Variants in CFAP61 observed in about 807,000 individuals in gnomAD.
CFAP61 encodes the protein cilia and flagella associated protein 61.
CFAP61 carries 107 observed loss-of-function variants against 135.6 expected under a neutral mutation model. That is an observed-to-expected ratio of 0.79 (90% CI 0.67 to 0.93). The LOEUF is 0.93. Among genes scored for constraint, CFAP61 ranks in the 40% least tolerant of loss-of-function variants. The pLI is 0.00. For missense variants in CFAP61, 1,507 were observed against 1,556.2 expected, an observed-to-expected ratio of 0.97 and a Z score of 0.53; for synonymous variants, 575 against 578.5, an observed-to-expected ratio of 0.99 and a Z score of 0.09.
At chr20:20,258,359 G>A (rs757068505) in intron 20 of CFAP61, 8 of 152,092 alleles carry the variant, frequency 5.3e-5, no homozygotes, top group South Asian at 2.1e-4. Context: ...TTTACCTGCC[G>A]AACATGGTTG....
chr20:20,088,493 A>T (rs1190433681), intron 6 of CFAP61, among the ~76,000 whole-genome samples: 1 of 152,184 alleles, frequency 6.6e-6, no homozygotes, highest in Non-Finnish European at 1.5e-5. Flanking sequence ...GGCCCCTTAT[A>T]AAACCATCAT....
At chr20:20,116,801 C>T (rs73605584) in intron 8 of CFAP61, among the ~76,000 whole-genome samples, 14,958 of 152,058 alleles carry the variant, frequency 0.098, 1,548 homozygotes, top group East Asian at 0.59. Flanking sequence ...TATTCTCTAT[C>T]TTCATGAGAT....
At position 20,175,489 on chromosome 20, in the gene CFAP61, T is replaced by TTTTTGTTTTGTTTTG. The variant is rs11467125; in HGVS notation, c.1385+6070_1385+6084dup. On this transcript the variant is annotated intron_variant, in intron 13 of 26. Coordinates refer to ENST00000245957, the MANE Select transcript of CFAP61 (RefSeq NM_015585.4). ...GTAGGGGCTTCTGGTTTTTTTTTTG[T>TTTTTGTTTTGTTTTG]TTTTGTTTTGTTTTGTTTTGTTTTG... Among the ~76,000 whole-genome samples, 5 of 145,896 alleles carry TTTTTGTTTTGTTTTG rather than the reference T, an allele frequency of 3.4e-5. No individual in the cohort carries two copies. In the East Asian group the frequency reaches 1.0e-3, roughly 30 times the overall value.
intron 19 of CFAP61, among the ~76,000 whole-genome samples, chr20:20,247,194 A>G (rs760279433): frequency 2.6e-4 from 40 of 152,230 alleles, no homozygotes; most frequent in Non-Finnish European, 4.7e-4. Context: ...CTTCTGGCCA[A>G]GAACACATTC....
chr20:20,174,654 G>T (rs566439550), intron 13 of CFAP61, among the ~76,000 whole-genome samples: 1 of 152,092 alleles, frequency 6.6e-6, no homozygotes, highest in South Asian at 2.1e-4. Flanking sequence ...GCAGCTGATC[G>T]TGGCTGCAGG....
At chr20:20,084,823 G>C (rs533890604) in intron 6 of CFAP61, among the ~76,000 whole-genome samples, 2 of 152,266 alleles carry the variant, frequency 1.3e-5, no homozygotes, top group African/African-American at 4.8e-5. Context: ...TTCCCAAGTA[G>C]GGTGTCCTGA....
intron 13 of CFAP61, among the ~76,000 whole-genome samples, chr20:20,178,679 C>CG (rs10854246): frequency 0.73 from 110,123 of 151,522 alleles, 40,957 homozygotes; most frequent in Middle Eastern, 0.89. Flanking sequence ...AATCGATTCT[C>CG]CCCCCCACCA....
chr20:20,164,960 T>G (rs764007067), intron 11 of CFAP61, among the ~76,000 whole-genome samples: 5 of 152,184 alleles, frequency 3.3e-5, no homozygotes, highest in Non-Finnish European at 7.3e-5. Flanking sequence ...TTCATGAGAC[T>G]TATTCAATAC....
intron 2 of CFAP61, 46 bp downstream of exon 2, chr20:20,056,842 G>T: frequency 6.3e-7 from 1 of 1,580,542 alleles, no homozygotes; most frequent in Non-Finnish European, 8.7e-7. Context: ...TTTTGGTTGG[G>T]TGCAGTAGCT....
intron 24 of CFAP61, among the ~76,000 whole-genome samples, chr20:20,297,712 C>T (rs901694695): frequency 1.3e-5 from 2 of 152,220 alleles, no homozygotes; most frequent in Admixed American, 6.5e-5. Flanking sequence ...GCCCAATCCC[C>T]GCCATCAGGC....
At chr20:20,207,371 A>T (rs1252352136) in intron 17 of CFAP61, among the ~76,000 whole-genome samples, 1 of 152,206 alleles carries the variant, frequency 6.6e-6, no homozygotes, top group Non-Finnish European at 1.5e-5. Context: ...TTCTTGCCAC[A>T]ACCCAGTAGG....
chr20:20,215,709 T>C (rs2048001136), intron 17 of CFAP61, among the ~76,000 whole-genome samples: 2 of 152,230 alleles, frequency 1.3e-5, no homozygotes, highest in Non-Finnish European at 2.9e-5. Flanking sequence ...GTTTTAACCA[T>C]GATTTCTTTT....
At chr20:20,154,799 C>T (rs2146784521) in intron 9 of CFAP61, among the ~76,000 whole-genome samples, 1 of 152,210 alleles carries the variant, frequency 6.6e-6, no homozygotes, top group South Asian at 2.1e-4. Context: ...GGAAACACAT[C>T]CCATGCTCAT....
intron 6 of CFAP61, among the ~76,000 whole-genome samples, chr20:20,080,526 G>T (rs944888177): frequency 6.6e-6 from 1 of 152,172 alleles, no homozygotes; most frequent in Non-Finnish European, 1.5e-5. Context: ...TTCATATATA[G>T]TAGTGTACAA....
At chr20:20,181,084 A>G (rs115434838) in intron 13 of CFAP61, among the ~76,000 whole-genome samples, 99 of 151,948 alleles carry the variant, frequency 6.5e-4, no homozygotes, top group African/African-American at 2.3e-3. Context: ...GTGATAAATA[A>G]TCTCTACAAC....
intron 18 of CFAP61, chr20:20,228,622 T>C: frequency 2.9e-6 from 1 of 350,546 alleles, no homozygotes; most frequent in Middle Eastern, 8.4e-4. Context: ...ACAGCCACAC[T>C]CATTTATGTG....
chr20:20,210,001 C>G (rs2047518732), intron 17 of CFAP61, among the ~76,000 whole-genome samples: 1 of 152,148 alleles, frequency 6.6e-6, no homozygotes, highest in Admixed American at 6.5e-5. Flanking sequence ...TGAGTGTGGC[C>G]TTGTGTTCCC....
At chr20:20,344,324 G>A (rs987099785) in intron 26 of CFAP61, among the ~76,000 whole-genome samples, 1 of 152,230 alleles carries the variant, frequency 6.6e-6, no homozygotes, top group Admixed American at 6.5e-5. Context: ...GGAGGTGACA[G>A]TGGAGAAGGG....
chr20:20,149,437 G>A (rs1161632522), intron 9 of CFAP61, among the ~76,000 whole-genome samples: 2 of 152,154 alleles, frequency 1.3e-5, no homozygotes, highest in African/African-American at 4.8e-5. Flanking sequence ...AACCATCACA[G>A]GAGCATGCCA....
Sources: gnomAD v4.1 joint callset for allele counts (sites outside exome capture counted in the v4.1 genomes callset) on GRCh38, gnomAD v4.1.1 for gene constraint, MANE v1.5 for transcripts, NCBI Gene and HGNC (gene_info 2026-07-23, HGNC 2026-07-21) for gene names.